Variants in CIRSR observed in about 807,000 individuals in gnomAD.
The protein encoded by CIRSR is corepressor of RBPJ and splicing regulator, also known as CBF1 (RBPJ) interacting corepressor 1.
the CIRSR span, among the ~76,000 whole-genome samples, chr2:174,352,576 CTAAA>C: frequency 2.0e-5 from 3 of 152,154 alleles, no homozygotes; most frequent in South Asian, 4.1e-4. Context: ...AACCATGTCT[CTAAA>C]TAAATAAATA....
chr2:174,348,897 A>C, the CIRSR span: 2 of 1,614,154 alleles, frequency 1.2e-6, no homozygotes, highest in Non-Finnish European at 1.7e-6. Context: ...TTCTTCATGA[A>C]GCTTTCTCTT....
At chr2:174,362,685 TCAAAAAAAAAAAAAA>T in the CIRSR span, among the ~76,000 whole-genome samples, 1 of 83,994 alleles carries the variant, frequency 1.2e-5, no homozygotes, top group Non-Finnish European at 1.9e-5. Flanking sequence ...AGACTCTGCC[TCAAAAAAAAAAAAAA>T]AAAAAAAAAA....
the CIRSR span, among the ~76,000 whole-genome samples, chr2:174,362,432 T>C: frequency 1.3e-5 from 2 of 152,118 alleles, no homozygotes; most frequent in Non-Finnish European, 2.9e-5. Flanking sequence ...TTGGAGTCAA[T>C]GTTTATTCAC....
the CIRSR span, among the ~76,000 whole-genome samples, chr2:174,354,679 T>A: frequency 6.1e-5 from 6 of 98,536 alleles, no homozygotes; most frequent in Non-Finnish European, 9.4e-5. Context: ...ATTATATATT[T>A]TATATATTAT....
the CIRSR span, chr2:174,395,579 T>G: frequency 6.2e-7 from 1 of 1,614,214 alleles, no homozygotes; most frequent in Non-Finnish European, 8.5e-7. Context: ...GGAGGCAGGA[T>G]GAAAGTCTTT....
the CIRSR span, among the ~76,000 whole-genome samples, chr2:174,383,439 G>T: frequency 1.3e-5 from 2 of 152,086 alleles, no homozygotes; most frequent in African/African-American, 4.8e-5. Flanking sequence ...ATCAAAATCA[G>T]CTGGGCACGG....
At chr2:174,363,753 G>A in the CIRSR span, among the ~76,000 whole-genome samples, 9 of 152,052 alleles carry the variant, frequency 5.9e-5, no homozygotes, top group African/African-American at 1.9e-4. Context: ...TAAAACCATC[G>A]GATCTTGTGA....
chr2:174,350,115 T>C, the CIRSR span, among the ~76,000 whole-genome samples: 1 of 152,166 alleles, frequency 6.6e-6, no homozygotes, highest in African/African-American at 2.4e-5. Flanking sequence ...TTATATGGTA[T>C]GTTTGAGTTA....
the CIRSR span, chr2:174,380,276 C>T: frequency 6.3e-5 from 95 of 1,519,440 alleles, no homozygotes; most frequent in Middle Eastern, 1.9e-4. Flanking sequence ...AATGTACAAA[C>T]ACAATATTAA....
the CIRSR span, chr2:174,348,686 C>T: frequency 1.9e-6 from 3 of 1,614,208 alleles, no homozygotes; most frequent in Non-Finnish European, 2.5e-6. Context: ...TCCGGCTTCT[C>T]CGGCTCCTTT....
At chr2:174,376,065 T>C in the CIRSR span, among the ~76,000 whole-genome samples, 1 of 152,206 alleles carries the variant, frequency 6.6e-6, no homozygotes, top group Non-Finnish European at 1.5e-5. Flanking sequence ...TTCATCACGT[T>C]GCCCAGGCTG....
chr2:174,394,123 T>C, the CIRSR span, among the ~76,000 whole-genome samples: 1 of 152,238 alleles, frequency 6.6e-6, no homozygotes, highest in African/African-American at 2.4e-5. Context: ...CATAGCGGAC[T>C]TGCAAAAGTT....
chr2:174,359,005 A>G, the CIRSR span, among the ~76,000 whole-genome samples: 2 of 152,238 alleles, frequency 1.3e-5, no homozygotes, highest in Non-Finnish European at 2.9e-5. Flanking sequence ...AGAAGTTAGC[A>G]TTATGTTTTA....
the CIRSR span, chr2:174,379,127 CT>C: frequency 9.7e-6 from 9 of 926,112 alleles, no homozygotes; most frequent in African/African-American, 1.7e-5. Context: ...AGAATTTAAG[CT>C]AAATTACATT....
At chr2:174,395,574 C>A in the CIRSR span, 408 of 1,614,204 alleles carry the variant, frequency 2.5e-4, no homozygotes, top group Non-Finnish European at 3.3e-4. Flanking sequence ...GATTTGGAGG[C>A]AGGATGAAAG....
At chr2:174,381,619 T>G in the CIRSR span, 18 of 967,608 alleles carry the variant, frequency 1.9e-5, no homozygotes, top group African/African-American at 1.4e-4. Context: ...ATGGCACCAC[T>G]GCACTCCAGC....
the CIRSR span, among the ~76,000 whole-genome samples, chr2:174,377,652 T>A: frequency 6.6e-6 from 1 of 151,314 alleles, no homozygotes; most frequent in African/African-American, 2.4e-5. Context: ...ACCCTATCTC[T>A]ATTAAAAAAT....
chr2:174,366,650 C>A, the CIRSR span, among the ~76,000 whole-genome samples: 1 of 152,162 alleles, frequency 6.6e-6, no homozygotes, highest in African/African-American at 2.4e-5. Context: ...AAAATACAAT[C>A]TTTTATTTTT....
chr2:174,371,567 A>G, the CIRSR span, among the ~76,000 whole-genome samples: 1 of 152,228 alleles, frequency 6.6e-6, no homozygotes, highest in African/African-American at 2.4e-5. Context: ...TAAAGTTAAG[A>G]TGATCTTATC....
Sources: allele counts gnomAD v4.1 joint callset (sites outside exome capture counted in the v4.1 genomes callset), GRCh38; gene constraint gnomAD v4.1.1; transcripts MANE v1.5; gene names NCBI Gene and HGNC (gene_info 2026-07-23, HGNC 2026-07-21).